Variants in TENT4B observed in about 807,000 individuals in gnomAD.
TENT4B encodes PAP associated domain containing 5.
A neutral mutation model predicts 75.0 loss-of-function variants in TENT4B; 10 were observed. The ratio of observed to expected loss-of-function variants is 0.13; its 90% CI spans 0.08 to 0.23. The LOEUF (loss-of-function observed/expected upper bound fraction) is 0.23, where lower values mean the gene tolerates loss of function less well. TENT4B is among the 10% of genes least tolerant of loss of function. TENT4B has a pLI of 1.00. For missense variants in TENT4B, 579 were observed against 893.8 expected (o/e 0.65, Z 4.49); for synonymous variants, 350 against 357.7 (o/e 0.98, Z 0.24).
intron 1 of TENT4B, among the ~76,000 whole-genome samples, chr16:50,175,102 A>G (rs1473267560): frequency 1.3e-5 from 2 of 151,912 alleles, no homozygotes; most frequent in African/African-American, 2.4e-5. Context: ...TATGAGATCA[A>G]CTTTTTTTTA....
At chr16:50,183,905 G>T (rs747340756) in intron 1 of TENT4B, among the ~76,000 whole-genome samples, 3 of 152,148 alleles carry the variant, frequency 2.0e-5, no homozygotes, top group Non-Finnish European at 2.9e-5. Flanking sequence ...TTAGCCAGGC[G>T]TGGTGGCTAA....
At chr16:50,165,321 G>A (rs961824546) in intron 1 of TENT4B, among the ~76,000 whole-genome samples, 3 of 151,832 alleles carry the variant, frequency 2.0e-5, no homozygotes, top group Non-Finnish European at 4.4e-5. Flanking sequence ...ATTAAGCTGA[G>A]CCTTTGCCCC....
At chr16:50,175,779 G>T (rs2150688757) in intron 1 of TENT4B, among the ~76,000 whole-genome samples, 1 of 151,768 alleles carries the variant, frequency 6.6e-6, no homozygotes, top group South Asian at 2.1e-4. Context: ...CAGTTTTTTT[G>T]TTTTATTTAT....
chr16:50,165,329 C>A (rs1034879760), intron 1 of TENT4B, among the ~76,000 whole-genome samples: 1 of 151,686 alleles, frequency 6.6e-6, no homozygotes, highest in Non-Finnish European at 1.5e-5. Context: ...GAGCCTTTGC[C>A]CCAGACGACA....
Position 50,229,850 on chromosome 16 carries a change from A to C in TENT4B, c.*522A>C. ...GTGTATATATAGAAGACCATATAGG[A>C]GATTGATATTTGTAATAGTGGATTT... On this transcript the variant is annotated 3_prime_UTR_variant, in exon 12 of 12. Coordinates refer to ENST00000561678, the MANE Select transcript of TENT4B (RefSeq NM_001365324.3). 1 of 913,076 alleles carries C rather than the reference A, an allele frequency of 1.1e-6. No homozygotes were observed. The highest frequency in any genetic ancestry group is 1.3e-6 in the Non-Finnish European group (1 of 764,036). The allele number at this position is 913,076 out of a possible 1,614,324, so 56.6% of individuals were successfully genotyped here.
chr16:50,177,872 TTTCC>T (rs769181855), intron 1 of TENT4B, among the ~76,000 whole-genome samples: 15 of 152,282 alleles, frequency 9.9e-5, no homozygotes, highest in Non-Finnish European at 1.6e-4. Context: ...CACTGTACAA[TTTCC>T]TGTAAGCACT....
At chr16:50,221,970 G>T (rs925909455) in intron 5 of TENT4B, among the ~76,000 whole-genome samples, 1 of 152,028 alleles carries the variant, frequency 6.6e-6, no homozygotes, top group African/African-American at 2.4e-5. Flanking sequence ...TCACCATGTT[G>T]GCCAGGCTGG....
In TENT4B at chr16:50,229,923, T is replaced by A; in HGVS notation, c.*595T>A. 1 of 930,182 alleles carries A rather than the reference T, an allele frequency of 1.1e-6. No individual in the cohort carries two copies. The highest frequency in any genetic ancestry group is 1.3e-6 in the Non-Finnish European group (1 of 779,874). The allele number at this position is 930,182 out of a possible 1,614,324, so 57.6% of individuals were successfully genotyped here. On this transcript the variant is annotated 3_prime_UTR_variant, in exon 12 of 12. Coordinates refer to ENST00000561678, the MANE Select transcript of TENT4B (RefSeq NM_001365324.3). Reference sequence around the variant, plus strand: ...CATTACTGTTTAAATTGTAAACAGATTTTTTCTCAGGATTAGTTTGAAAAA... The same window carrying A: ...CATTACTGTTTAAATTGTAAACAGAATTTTTCTCAGGATTAGTTTGAAAAA...
intron 1 of TENT4B, among the ~76,000 whole-genome samples, chr16:50,173,028 C>T (rs1176229680): frequency 6.6e-6 from 1 of 152,008 alleles, no homozygotes; most frequent in Non-Finnish European, 1.5e-5. Flanking sequence ...GCAAACTCTC[C>T]GCCTCCTGGG....
intron 2 of TENT4B, among the ~76,000 whole-genome samples, chr16:50,213,826 G>C (rs989053543): frequency 2.6e-5 from 4 of 152,060 alleles, no homozygotes; most frequent in Non-Finnish European, 5.9e-5. Context: ...TGGTATTATA[G>C]GTATTATAAG....
chr16:50,180,677 C>G (rs1300493106), intron 1 of TENT4B, among the ~76,000 whole-genome samples: 1 of 150,820 alleles, frequency 6.6e-6, no homozygotes, highest in Non-Finnish European at 1.5e-5. Flanking sequence ...CCCCTGCACT[C>G]CAGCCTGGGT....
chr16:50,224,670 A>C lies in TENT4B; in HGVS notation c.1395A>C (p.Gly465=). 6.2e-7 allele frequency: 1 copy of C among 1,613,956 alleles called. No homozygotes were observed. Among genetic ancestry groups the C allele is most frequent in the Non-Finnish European group, 8.5e-7 (1 of 1,179,876 alleles). Residue 465 remains glycine (G), a synonymous_variant, in exon 8 of 12, where the codon GGA becomes GGC. Transcript: ENST00000561678. ...TTTCTTTTAAAGGTAACGATGTTGGAAGGAGTTCATATGGGGCCATGCAAG... is the reference window on the plus strand; with the variant it reads ...TTTCTTTTAAAGGTAACGATGTTGGCAGGAGTTCATATGGGGCCATGCAAG... The part of the protein sequence containing the change: ...EDPLQPGNDV[G]RSSYGAMQVK...
At position 50,232,545 on chromosome 16, in the gene TENT4B, G is replaced by T. The variant is rs1388345575; in HGVS notation, c.*3217G>T. On this transcript the variant is annotated 3_prime_UTR_variant, in exon 12 of 12. Transcript: ENST00000561678. The stretch of plus-strand genomic sequence containing the variant: ...TGCTCCTTCCCTCCCCCATGAAATG[G>T]TAAGTGTGACTTGTGTTTGCCTGAA... The T allele has an allele frequency of 1.0e-6, 1 of 985,114 alleles. No homozygotes were observed. The allele number at this position is 985,114 out of a possible 1,614,324, so 61.0% of individuals were successfully genotyped here.
At chr16:50,187,589 TG>T (rs1255742939) in intron 1 of TENT4B, among the ~76,000 whole-genome samples, 1 of 151,568 alleles carries the variant, frequency 6.6e-6, no homozygotes, top group African/African-American at 2.4e-5. Flanking sequence ...TCGTGCGGGG[TG>T]GGGGGTAAAA....
At chr16:50,211,185 GCTTAT>G (rs781653277) in intron 1 of TENT4B, 133 bp from the exon 2 acceptor site, 15 of 915,946 alleles carry the variant, frequency 1.6e-5, no homozygotes, top group Non-Finnish European at 2.1e-5. Context: ...TCCCATTTTA[GCTTAT>G]CTTGAGTTAT....
Position 50,231,803 on chromosome 16 carries a change from C to G in TENT4B, c.*2475C>G, listed in dbSNP as rs141291801. 1.0e-6 allele frequency: 1 copy of G among 985,366 alleles called. No individual in the cohort carries two copies. The highest frequency in any genetic ancestry group is 6.1e-5 in the Admixed American group (1 of 16,264). The allele number at this position is 985,366 out of a possible 1,614,324, so 61.0% of individuals were successfully genotyped here. A position where few individuals can be genotyped will look rare whatever the true frequency, so the allele number is the denominator to read the frequency against. On this transcript the variant is annotated 3_prime_UTR_variant, in exon 12 of 12. Coordinates refer to ENST00000561678, the MANE Select transcript of TENT4B (RefSeq NM_001365324.3). Reference sequence around the variant, plus strand: ...GTGTGGAAGCTGTTCATTTTTCAATCTGAAGTAAAATACTTTCAAGAACTT... The same window carrying G: ...GTGTGGAAGCTGTTCATTTTTCAATGTGAAGTAAAATACTTTCAAGAACTT...
upstream of TENT4B, chr16:50,152,922 C>G: frequency 1.3e-6 from 2 of 1,484,386 alleles, no homozygotes; most frequent in Non-Finnish European, 1.8e-6. Flanking sequence ...CCTCCCACAA[C>G]GCGCTCCCTG....
At chr16:50,188,039 T>C (rs1185124081) in intron 1 of TENT4B, among the ~76,000 whole-genome samples, 1 of 152,156 alleles carries the variant, frequency 6.6e-6, no homozygotes, top group Non-Finnish European at 1.5e-5. Flanking sequence ...AGTGCTGAGA[T>C]GACAGGTGTG....
rs1486827198 is a variant in TENT4B at position 50,231,703 on chromosome 16, G to A, written c.*2375G>A. 6 of 985,716 alleles carry A rather than the reference G, an allele frequency of 6.1e-6. No homozygotes were observed. In the African/African-American group the frequency reaches 1.0e-4, roughly 17 times the overall value. 61.1% of individuals were successfully genotyped at this position (985,716 alleles called of 1,614,324 possible). On this transcript the variant is annotated 3_prime_UTR_variant, in exon 12 of 12. Coordinates refer to ENST00000561678, the MANE Select transcript of TENT4B (RefSeq NM_001365324.3). ...TTCTAAAAGAAAAAAGCATGAAGGA[G>A]AAATTGAGGTGTGTATACATTTCCT...
Sources: gnomAD v4.1 joint callset for allele counts (sites outside exome capture counted in the v4.1 genomes callset) on GRCh38, gnomAD v4.1.1 for gene constraint, MANE v1.5 for transcripts, NCBI Gene and HGNC (gene_info 2026-07-23, HGNC 2026-07-21) for gene names.